The following DOCK1 variants were observed in gnomAD, a reference collection of about 807,000 sequenced individuals.
DOCK1 encodes the protein dedicator of cytokinesis protein 1.
Under a neutral mutation model 262.7 loss-of-function variants are expected in DOCK1, and 138 were observed. The observed-to-expected ratio is 0.53, with a 90% CI of 0.46 to 0.61. DOCK1 has a LOEUF of 0.61. DOCK1 is among the 20% of genes least tolerant of loss of function. DOCK1 has a pLI of 0.00. For synonymous variants in DOCK1, 866 were observed against 867.4 expected (o/e 1.00, Z 0.03); for missense variants, 1,908 against 2,370.7 (o/e 0.80, Z 4.05).
At chr10:127,323,955 C>T (rs146418806) in intron 29 of DOCK1, among the ~76,000 whole-genome samples, 18 of 152,382 alleles carry the variant, frequency 1.2e-4, no homozygotes, top group African/African-American at 4.1e-4. Context: ...TGCACTGCTT[C>T]ATCCTCCTGG....
chr10:127,281,013 A>G (rs1212228603), intron 29 of DOCK1, among the ~76,000 whole-genome samples: 2 of 152,198 alleles, frequency 1.3e-5, no homozygotes, highest in African/African-American at 2.4e-5. Flanking sequence ...GCCATATTTA[A>G]TATATTTCCA....
chr10:127,409,882 G>C (rs953152117), intron 42 of DOCK1, among the ~76,000 whole-genome samples: 1 of 152,200 alleles, frequency 6.6e-6, no homozygotes, highest in African/African-American at 2.4e-5. Context: ...ATTCCATAAT[G>C]TAGGGTTATG....
rs553033643 is a variant in DOCK1, at chr10:127,092,179, T to C, written c.2446-14052T>C. On this transcript the variant is annotated intron_variant, in intron 23 of 51. Transcript: ENST00000623213. ...GAAAGTTCTGCTGGTCAGGTCTGGC[T>C]GGACCGTAGACACAGGAGTGGCCAT... Among the ~76,000 whole-genome samples the C allele has an allele frequency of 5.3e-5, 8 of 152,318 alleles. No homozygotes were observed. In the East Asian group the frequency reaches 1.5e-3, roughly 29 times the overall value.
chr10:126,940,592 C>T (rs1386829682), intron 1 of DOCK1, among the ~76,000 whole-genome samples: 4 of 152,010 alleles, frequency 2.6e-5, no homozygotes, highest in African/African-American at 7.3e-5. Flanking sequence ...TTAGTAGAGA[C>T]GGAGTTTCAC....
intron 27 of DOCK1, among the ~76,000 whole-genome samples, chr10:127,244,949 T>C (rs1294024469): frequency 6.6e-6 from 1 of 152,216 alleles, no homozygotes; most frequent in Non-Finnish European, 1.5e-5. Context: ...CACAGAATAG[T>C]AATTTTCTTC....
At position 127,037,745 on chromosome 10, in the gene DOCK1, C is replaced by T. The variant is rs1407424333; in HGVS notation, c.1939C>T (p.Arg647Cys). ...NVDLLGLLKW[R>C]SNTSLLQQNL... is the part of the protein sequence containing the mutation. ...GGACCTTCTGGGGCTCTTGAAATGGCGCTCCAACACCAGCCTGCTGCAGCA... is the reference window on the plus strand; with the variant it reads ...GGACCTTCTGGGGCTCTTGAAATGGTGCTCCAACACCAGCCTGCTGCAGCA... Residue 647 changes from arginine (R) to cysteine (C), a missense_variant, in exon 19 of 52, where the codon CGC becomes TGC. Arg to Cys is a radical substitution (Grantham distance 180). Around this residue, in one of 9 missense-constraint regions of DOCK1, gnomAD observed 294 missense variants for 439.9 expected, o/e 0.67. Transcript: ENST00000623213. 5.0e-6 allele frequency: 8 copies of T among 1,593,724 alleles called. No homozygotes were observed. Among genetic ancestry groups the T allele is most frequent in the Non-Finnish European group, 6.0e-6 (7 of 1,170,000 alleles).
chr10:127,301,961 G>GA (rs920213970), intron 29 of DOCK1, among the ~76,000 whole-genome samples: 8 of 145,606 alleles, frequency 5.5e-5, no homozygotes, highest in African/African-American at 7.7e-5. Flanking sequence ...AAAAAAAAAA[G>GA]AAAAAAAAAT....
chr10:127,314,565 G>C (rs1339422288), intron 29 of DOCK1, among the ~76,000 whole-genome samples: 1 of 152,092 alleles, frequency 6.6e-6, no homozygotes, highest in Non-Finnish European at 1.5e-5. Flanking sequence ...CATGTACATA[G>C]AGGCAAAACC....
At chr10:127,027,001 C>T (rs2042911104) in intron 16 of DOCK1, among the ~76,000 whole-genome samples, 1 of 152,238 alleles carries the variant, frequency 6.6e-6, no homozygotes, top group Non-Finnish European at 1.5e-5. Context: ...AAAGCTGTAG[C>T]CCTGTGCTAG....
At chr10:127,006,889 G>A (rs2135246101) in intron 10 of DOCK1, among the ~76,000 whole-genome samples, 1 of 151,322 alleles carries the variant, frequency 6.6e-6, no homozygotes, top group Admixed American at 6.7e-5. Flanking sequence ...GGCCTGCTCG[G>A]GTCAGACTCC....
chr10:127,080,420 C>A lies in DOCK1; in HGVS notation c.2445+18644C>A, dbSNP rs910167149. On this transcript the variant is annotated intron_variant, in intron 23 of 51. Coordinates refer to ENST00000623213, the MANE Select transcript of DOCK1 (RefSeq NM_001290223.2). ...CTGACCTGTCCCCTCCCATAGCCGA[C>A]CCCCTCCTGTACCCCAGGGTTTGAT... Among the ~76,000 whole-genome samples, 8 of 152,182 alleles carry A rather than the reference C, an allele frequency of 5.3e-5. No homozygotes were observed. In the East Asian group the frequency reaches 7.7e-4, roughly 15 times the overall value.
chr10:127,424,969 G>A (rs985032935), intron 46 of DOCK1, among the ~76,000 whole-genome samples: 4 of 152,204 alleles, frequency 2.6e-5, no homozygotes, highest in African/African-American at 7.2e-5. Context: ...TACATTTGAT[G>A]CGTTGATTCA....
At chr10:127,271,984 A>T (rs2060585751) in intron 29 of DOCK1, 1 of 152,224 alleles carries the variant, frequency 6.6e-6, no homozygotes, top group Non-Finnish European at 1.5e-5. Flanking sequence ...AAAATGCATG[A>T]GGGCGATCTG....
intron 23 of DOCK1, among the ~76,000 whole-genome samples, chr10:127,093,239 C>CTTTCTTTTCTTTCTTTCTTTCT (rs372397425): frequency 2.1e-5 from 2 of 94,270 alleles, no homozygotes; most frequent in African/African-American, 9.7e-5. Context: ...TTCTTTCTTT[C>CTTTCTTTTCTTTCTTTCTTTCT]TTCTTTTTTT....
At chr10:127,112,883 C>CT (rs774422239) in intron 25 of DOCK1, among the ~76,000 whole-genome samples, 1 of 152,172 alleles carries the variant, frequency 6.6e-6, no homozygotes, top group African/African-American at 2.4e-5. Context: ...CATTTACTGT[C>CT]TTTGAGTTTT....
chr10:127,230,949 G>A (rs1220706600), intron 27 of DOCK1, among the ~76,000 whole-genome samples: 1 of 151,822 alleles, frequency 6.6e-6, no homozygotes, highest in African/African-American at 2.4e-5. Flanking sequence ...TGAACATAAG[G>A]TATCTTCCAT....
At chr10:126,936,591 C>G (rs2034571378) in intron 1 of DOCK1, among the ~76,000 whole-genome samples, 1 of 152,172 alleles carries the variant, frequency 6.6e-6, no homozygotes, top group African/African-American at 2.4e-5. Context: ...GATTTGGCTT[C>G]TAACCTGTAG....
intron 1 of DOCK1, among the ~76,000 whole-genome samples, chr10:126,943,295 G>T (rs2035157963): frequency 6.6e-6 from 1 of 152,132 alleles, no homozygotes; most frequent in Admixed American, 6.6e-5. Flanking sequence ...GACCTTCTTT[G>T]AACCTGACTG....
chr10:127,392,011 A>T (rs944399631), intron 38 of DOCK1, among the ~76,000 whole-genome samples: 1 of 95,712 alleles, frequency 1.0e-5, no homozygotes, highest in Non-Finnish European at 2.4e-5. Context: ...CTCCAGATGT[A>T]CCCTCTCATC....
Sources: allele counts gnomAD v4.1 joint callset (sites outside exome capture counted in the v4.1 genomes callset), GRCh38; gene constraint gnomAD v4.1.1; regional missense constraint gnomAD v4.1.1; transcripts MANE v1.5; gene names NCBI Gene and HGNC (gene_info 2026-07-23, HGNC 2026-07-21).